RPS19: variants seen among roughly 807,000 people sequenced by gnomAD.
The protein encoded by RPS19 is small ribosomal subunit protein eS19.
Under a neutral mutation model 20.3 loss-of-function variants are expected in RPS19, and 1 was observed. The ratio of observed to expected loss-of-function variants is 0.05; its 90% CI spans 0.02 to 0.23. The LOEUF (loss-of-function observed/expected upper bound fraction) is 0.23. Among genes scored for constraint, RPS19 ranks in the 10% least tolerant of loss-of-function variants. The probability of loss-of-function intolerance (pLI) is 1.00; values close to 1 mark genes in which losing one functional copy is unlikely to be tolerated. For missense variants in RPS19, 111 were observed against 192.7 expected (o/e 0.58, Z 2.51); for synonymous variants, 87 against 74.8 (o/e 1.16, Z -0.84).
At chr19:41,870,168 G>T (rs2074132141) in intron 5 of RPS19, among the ~76,000 whole-genome samples, 1 of 152,052 alleles carries the variant, frequency 6.6e-6, no homozygotes, top group Non-Finnish European at 1.5e-5. Flanking sequence ...CTTGAACCCG[G>T]GAGGTGGAGG....
At chr19:41,870,772 A>T (rs1600624136) in intron 5 of RPS19, among the ~76,000 whole-genome samples, 1 of 149,962 alleles carries the variant, frequency 6.7e-6, no homozygotes, top group Non-Finnish European at 1.5e-5. Context: ...TGGCGCACAC[A>T]TCATTGCTGG....
chr19:41,861,958 C>T (rs1362000805), intron 3 of RPS19, among the ~76,000 whole-genome samples: 1 of 152,200 alleles, frequency 6.6e-6, no homozygotes, highest in Non-Finnish European at 1.5e-5. Flanking sequence ...ACTAAATCTT[C>T]ACTTTCAGGA....
chr19:41,860,479 G>C, intron 1 of RPS19, 190 bp downstream of exon 1: 1 of 452,988 alleles, frequency 2.2e-6, no homozygotes, highest in South Asian at 2.2e-5. Flanking sequence ...CGTGGGCCCC[G>C]GGGGGCAGCG....
intron 3 of RPS19, among the ~76,000 whole-genome samples, chr19:41,868,473 G>A (rs1453342113): frequency 6.6e-6 from 1 of 152,220 alleles, no homozygotes. Flanking sequence ...TTTCTGGGGA[G>A]GCTGGTGTGT....
At chr19:41,864,684 CAG>C (rs1459177138) in intron 3 of RPS19, 1 of 152,258 alleles carries the variant, frequency 6.6e-6, no homozygotes, top group Non-Finnish European at 1.5e-5. Flanking sequence ...GATTCCTGGA[CAG>C]GGGTTCCTGA....
intron 2 of RPS19, 39 bp from the exon 3 acceptor site, chr19:41,861,073 G>A: frequency 2.0e-6 from 3 of 1,509,606 alleles, no homozygotes; most frequent in Non-Finnish European, 1.8e-6. Flanking sequence ...AGTTTGTGGA[G>A]ATGACTGAAT....
Position 41,869,227 on chromosome 19 carries a change from G to A in RPS19, c.356+13G>A, listed in dbSNP as rs781957086. On this transcript the variant is annotated intron_variant, in intron 4 of 5. Transcript: ENST00000598742. ...AGGACCAAGATGGGTAAGCAGGGTA[G>A]AGGGGGCTGCATTGATGGAGTAGCC... 5 of 1,610,340 alleles carry A rather than the reference G, an allele frequency of 3.1e-6. No individual in the cohort carries two copies. Among genetic ancestry groups the A allele is most frequent in the Non-Finnish European group, 4.2e-6 (5 of 1,177,760 alleles).
At chr19:41,867,266 CAAAAA>C (rs113748599) in intron 3 of RPS19, among the ~76,000 whole-genome samples, 2 of 128,050 alleles carry the variant, frequency 1.6e-5, no homozygotes, top group Admixed American at 7.7e-5. Context: ...GCCCTGTCTC[CAAAAA>C]AAAAAAAAAG....
At chr19:41,860,632 G>T (rs61761219) in intron 1 of RPS19, 143 bp from the exon 2 acceptor site, 3 of 776,282 alleles carry the variant, frequency 3.9e-6, no homozygotes, top group Non-Finnish European at 7.0e-6. Flanking sequence ...AGGAGCCGGA[G>T]CCCGGCGTTG....
At position 41,872,015 on chromosome 19, in the gene RPS19, C is replaced by T. The variant is rs1319962048; in HGVS notation, c.*638C>T. On this transcript the variant is annotated 3_prime_UTR_variant, in exon 6 of 6. Transcript: ENST00000598742. ...CTGCACAGGCTGAATGGTCCTTGAG[C>T]CTTCACTCTGCATCTGAGCGGTCTT... The T allele has an allele frequency of 6.5e-6, 1 of 153,446 alleles. No homozygotes were observed. Among genetic ancestry groups the T allele is most frequent in the African/African-American group, 2.4e-5 (1 of 41,482 alleles). 9.5% of individuals were successfully genotyped at this position (153,446 alleles called of 1,614,324 possible).
chr19:41,867,723 T>G (rs113581314), intron 3 of RPS19, among the ~76,000 whole-genome samples: 268 of 152,284 alleles, frequency 1.8e-3, no homozygotes, highest in African/African-American at 6.2e-3. Context: ...GAGGATTGCT[T>G]AAGCCCAGGA....
intron 4 of RPS19, 130 bp from the exon 5 acceptor site, chr19:41,869,569 C>T (rs2074124574): frequency 3.2e-6 from 3 of 942,328 alleles, no homozygotes; most frequent in Non-Finnish European, 5.1e-6. Flanking sequence ...ATGCACCTGA[C>T]TAGGGCCCTC....
chr19:41,862,216 A>G (rs1414784551), intron 3 of RPS19, among the ~76,000 whole-genome samples: 2 of 152,192 alleles, frequency 1.3e-5, no homozygotes, highest in East Asian at 1.9e-4. Flanking sequence ...GCCCTTCAGA[A>G]TATGAAGCAT....
chr19:41,860,489 G>A (rs1322118423), intron 1 of RPS19, 200 bp downstream of exon 1: 5 of 476,490 alleles, frequency 1.0e-5, no homozygotes, highest in South Asian at 2.1e-5. Flanking sequence ...GGGGGGCAGC[G>A]GCGGGGTGCG....
intron 3 of RPS19, among the ~76,000 whole-genome samples, chr19:41,862,906 T>C (rs1378495070): frequency 6.6e-6 from 1 of 152,316 alleles, no homozygotes; most frequent in African/African-American, 2.4e-5. Flanking sequence ...ACCAGAGGCC[T>C]GTTGTGTATA....
At chr19:41,863,440 C>A (rs1440469315) in intron 3 of RPS19, among the ~76,000 whole-genome samples, 1 of 152,204 alleles carries the variant, frequency 6.6e-6, no homozygotes, top group Non-Finnish European at 1.5e-5. Context: ...GAGGGCTTGG[C>A]AGGGTGGCTC....
chr19:41,863,591 A>G (rs1418277087), intron 3 of RPS19, among the ~76,000 whole-genome samples: 2 of 152,016 alleles, frequency 1.3e-5, no homozygotes, highest in Non-Finnish European at 2.9e-5. Flanking sequence ...GACCTATAGG[A>G]ATGAGTGTGA....
rs374575940 is a variant in RPS19 at position 41,869,233 on chromosome 19, G to A, written c.356+19G>A. 9.3e-6 allele frequency: 15 copies of A among 1,607,632 alleles called. No homozygotes were observed. In the African/African-American group the frequency reaches 1.9e-4, roughly 20 times the overall value. Reference sequence around the variant, plus strand: ...AAGATGGGTAAGCAGGGTAGAGGGGGCTGCATTGATGGAGTAGCCTTGAGG... The same window carrying A: ...AAGATGGGTAAGCAGGGTAGAGGGGACTGCATTGATGGAGTAGCCTTGAGG... On this transcript the variant is annotated intron_variant, in intron 4 of 5. Coordinates refer to ENST00000598742, the MANE Select transcript of RPS19 (RefSeq NM_001022.4).
intron 3 of RPS19, chr19:41,861,600 A>G: frequency 2.9e-6 from 1 of 340,508 alleles, no homozygotes; most frequent in Non-Finnish European, 5.7e-6. Flanking sequence ...CTCATCCCCA[A>G]AATGGGACTA....
Sources: allele counts gnomAD v4.1 joint callset (sites outside exome capture counted in the v4.1 genomes callset), GRCh38; gene constraint gnomAD v4.1.1; transcripts MANE v1.5; gene names NCBI Gene and HGNC (gene_info 2026-07-23, HGNC 2026-07-21).